RGL1: variants seen among roughly 807,000 people sequenced by gnomAD.
RGL1 encodes ral guanine nucleotide dissociation stimulator like 1.
In RGL1, 24 loss-of-function variants were observed where a neutral mutation model predicts 95.2. The ratio of observed to expected loss-of-function variants is 0.25; its 90% CI spans 0.18 to 0.35. RGL1 has a LOEUF of 0.35. RGL1 is among the 10% of genes least tolerant of loss of function. RGL1 has a pLI of 1.00. For missense variants in RGL1, 715 were observed against 936.3 expected (o/e 0.76, Z 3.08); for synonymous variants, 329 against 344.9 (o/e 0.95, Z 0.51).
chr1:183,912,768 C>G (rs1345558115), intron 15 of RGL1, among the ~76,000 whole-genome samples: 2 of 152,206 alleles, frequency 1.3e-5, no homozygotes, highest in African/African-American at 2.4e-5. Flanking sequence ...TTCCACTTGC[C>G]TCTCATTATT....
intron 1 of RGL1, among the ~76,000 whole-genome samples, chr1:183,701,693 G>C (rs953322772): frequency 5.9e-5 from 9 of 152,196 alleles, no homozygotes; most frequent in Middle Eastern, 3.4e-3. Context: ...AATCCCAGCA[G>C]TTTGGGAGGC....
intron 1 of RGL1, among the ~76,000 whole-genome samples, chr1:183,726,242 A>G (rs570374710): frequency 6.6e-6 from 1 of 152,208 alleles, no homozygotes; most frequent in South Asian, 2.1e-4. Flanking sequence ...AGCTAGAAAT[A>G]TAAGAGCAAA....
chr1:183,653,856 G>T (rs954953016), intron 1 of RGL1, among the ~76,000 whole-genome samples: 1 of 152,234 alleles, frequency 6.6e-6, no homozygotes, highest in East Asian at 1.9e-4. Context: ...AGAGCCACTT[G>T]TCCTTCTCCA....
intron 2 of RGL1, among the ~76,000 whole-genome samples, chr1:183,836,596 C>T (rs1663676571): frequency 6.6e-6 from 1 of 152,100 alleles, no homozygotes; most frequent in Non-Finnish European, 1.5e-5. Context: ...GAGGTATACT[C>T]AGGATACACG....
chr1:183,771,308 A>G (rs904056505), intron 2 of RGL1, among the ~76,000 whole-genome samples: 1 of 151,976 alleles, frequency 6.6e-6, no homozygotes, highest in African/African-American at 2.4e-5. Flanking sequence ...AAAGAAAAAA[A>G]AAAAACAAGA....
chr1:183,813,056 T>C (rs1314203946), intron 2 of RGL1, among the ~76,000 whole-genome samples: 2 of 152,052 alleles, frequency 1.3e-5, no homozygotes, highest in African/African-American at 4.8e-5. Context: ...GCAGGGGAGA[T>C]GCATCGGAAG....
intron 2 of RGL1, among the ~76,000 whole-genome samples, chr1:183,815,453 G>A (rs1202775062): frequency 6.6e-6 from 1 of 152,144 alleles, no homozygotes; most frequent in Non-Finnish European, 1.5e-5. Context: ...AAACATGTCT[G>A]TTTTAAAAAT....
At chr1:183,659,840 C>T (rs1651476817) in intron 1 of RGL1, among the ~76,000 whole-genome samples, 1 of 151,092 alleles carries the variant, frequency 6.6e-6, no homozygotes, top group Admixed American at 6.6e-5. Flanking sequence ...GGAAGCCCAT[C>T]AGACTAACAG....
chr1:183,890,844 G>A (rs533365460), intron 8 of RGL1, among the ~76,000 whole-genome samples: 2 of 152,258 alleles, frequency 1.3e-5, no homozygotes, highest in South Asian at 4.1e-4. Context: ...ATAGCTAAAG[G>A]GTAGAGGGCT....
intron 1 of RGL1, among the ~76,000 whole-genome samples, chr1:183,661,119 T>C (rs1420939473): frequency 1.3e-5 from 2 of 151,818 alleles, no homozygotes; most frequent in African/African-American, 2.4e-5. Context: ...AGATCCAAAA[T>C]TGACACCCTA....
chr1:183,642,539 T>C (rs1649997561), intron 1 of RGL1, among the ~76,000 whole-genome samples: 1 of 152,238 alleles, frequency 6.6e-6, no homozygotes, highest in African/African-American at 2.4e-5. Context: ...ATCAAAGGCC[T>C]AAATAAACCC....
At chr1:183,791,347 T>C (rs1252060189) in intron 2 of RGL1, among the ~76,000 whole-genome samples, 1 of 152,278 alleles carries the variant, frequency 6.6e-6, no homozygotes. Context: ...TGTGTTTTGG[T>C]GTGTCTCTGT....
At chr1:183,863,078 G>C (rs1665610945) in intron 3 of RGL1, among the ~76,000 whole-genome samples, 1 of 152,218 alleles carries the variant, frequency 6.6e-6, no homozygotes, top group African/African-American at 2.4e-5. Context: ...ACAGGTGTGG[G>C]AGGAGGCAGC....
chr1:183,815,369 A>T (rs1662016440), intron 2 of RGL1, among the ~76,000 whole-genome samples: 1 of 152,220 alleles, frequency 6.6e-6, no homozygotes, highest in African/African-American at 2.4e-5. Context: ...GCATTTGGTT[A>T]GTTTGTGAAG....
chr1:183,891,503 C>A (rs543152341), intron 8 of RGL1, among the ~76,000 whole-genome samples: 2 of 152,230 alleles, frequency 1.3e-5, no homozygotes, highest in Admixed American at 1.3e-4. Flanking sequence ...TGGAGAGATG[C>A]AATTGGAACT....
intron 1 of RGL1, among the ~76,000 whole-genome samples, chr1:183,650,286 A>G (rs760058410): frequency 4.6e-5 from 7 of 152,060 alleles, no homozygotes; most frequent in African/African-American, 7.2e-5. Context: ...GCTCACGCCT[A>G]TAATCCCAGC....
At chr1:183,846,655 G>T (rs7532796) in intron 2 of RGL1, among the ~76,000 whole-genome samples, 55,061 of 152,002 alleles carry the variant, frequency 0.36, 11,124 homozygotes, top group Non-Finnish European at 0.46. Flanking sequence ...TGAGGCGGGC[G>T]TATCACCTGA....
At chr1:183,816,474 C>T (rs1186793712) in intron 2 of RGL1, among the ~76,000 whole-genome samples, 3 of 152,168 alleles carry the variant, frequency 2.0e-5, no homozygotes, top group African/African-American at 7.2e-5. Context: ...GCCTGAGCCC[C>T]ACTGCCTCAG....
intron 1 of RGL1, among the ~76,000 whole-genome samples, chr1:183,684,194 C>T (rs1258219265): frequency 6.6e-6 from 1 of 152,110 alleles, no homozygotes; most frequent in East Asian, 1.9e-4. Context: ...ATTCTCCATC[C>T]AGTTTTGTTC....
Sources: gnomAD v4.1 joint callset for allele counts (sites outside exome capture counted in the v4.1 genomes callset) on GRCh38, gnomAD v4.1.1 for gene constraint, MANE v1.5 for transcripts, NCBI Gene and HGNC (gene_info 2026-07-23, HGNC 2026-07-21) for gene names.